Variants in ARHGAP26 observed in about 807,000 individuals in gnomAD.
The protein encoded by ARHGAP26 is rho GTPase-activating protein 26.
ARHGAP26 carries 38 observed loss-of-function variants against 104.8 expected under a neutral mutation model. That is an observed-to-expected ratio of 0.36 (90% CI 0.28 to 0.48). The LOEUF (loss-of-function observed/expected upper bound fraction) is 0.48, where lower values mean the gene tolerates loss of function less well. ARHGAP26 is among the 20% of genes least tolerant of loss of function. The pLI, the probability that ARHGAP26 is intolerant of heterozygous loss-of-function variation, is 0.99. For synonymous variants in ARHGAP26, 341 were observed against 340.0 expected (o/e 1.00, Z -0.03); for missense variants, 704 against 947.9 (o/e 0.74, Z 3.38).
chr5:142,950,776 T>G (rs1768204373), intron 11 of ARHGAP26, among the ~76,000 whole-genome samples: 1 of 152,114 alleles, frequency 6.6e-6, no homozygotes, highest in Admixed American at 6.5e-5. Flanking sequence ...CAAAGATGAC[T>G]ATATGAGTTA....
At chr5:143,187,159 A>T (rs901674618) in intron 20 of ARHGAP26, among the ~76,000 whole-genome samples, 1 of 152,200 alleles carries the variant, frequency 6.6e-6, no homozygotes, top group Non-Finnish European at 1.5e-5. Context: ...AGGCAAAGAA[A>T]ATGAGGGACA....
At chr5:143,008,693 C>G (rs1437509112) in intron 11 of ARHGAP26, among the ~76,000 whole-genome samples, 1 of 152,170 alleles carries the variant, frequency 6.6e-6, no homozygotes, top group African/African-American at 2.4e-5. Flanking sequence ...TGGCTAAGCT[C>G]TAATGCAGCT....
intron 19 of ARHGAP26, among the ~76,000 whole-genome samples, chr5:143,139,848 C>T (rs1430920326): frequency 1.3e-5 from 2 of 152,166 alleles, no homozygotes; most frequent in Non-Finnish European, 2.9e-5. Context: ...AAGGTACTGA[C>T]ACACACGCTG....
chr5:142,877,295 G>A (rs26706), intron 3 of ARHGAP26, among the ~76,000 whole-genome samples: 1 of 151,994 alleles, frequency 6.6e-6, no homozygotes, highest in Non-Finnish European at 1.5e-5. Flanking sequence ...TCTGGGAAGC[G>A]TTTCCTGACT....
At chr5:142,881,417 G>A (rs560546457) in intron 4 of ARHGAP26, among the ~76,000 whole-genome samples, 9 of 152,264 alleles carry the variant, frequency 5.9e-5, no homozygotes, top group African/African-American at 1.9e-4. Context: ...ACTGTCCCCC[G>A]GGGCGGCGGC....
At chr5:142,853,908 T>C (rs1751943652) in intron 1 of ARHGAP26, among the ~76,000 whole-genome samples, 1 of 152,180 alleles carries the variant, frequency 6.6e-6, no homozygotes, top group Non-Finnish European at 1.5e-5. Context: ...AAATGTTTAA[T>C]AATTACTTGT....
intron 11 of ARHGAP26, among the ~76,000 whole-genome samples, chr5:142,982,636 G>T (rs1340941458): frequency 2.0e-5 from 3 of 152,182 alleles, no homozygotes; most frequent in Non-Finnish European, 4.4e-5. Flanking sequence ...TATTTTATCT[G>T]CCCAGTGACT....
At chr5:143,128,438 C>G (rs993706879) in intron 18 of ARHGAP26, among the ~76,000 whole-genome samples, 10 of 152,174 alleles carry the variant, frequency 6.6e-5, no homozygotes, top group African/African-American at 2.4e-4. Flanking sequence ...ATTTTTAATA[C>G]AACTACCCAA....
At chr5:142,902,870 G>T (rs1172884882) in intron 7 of ARHGAP26, among the ~76,000 whole-genome samples, 1 of 152,224 alleles carries the variant, frequency 6.6e-6, no homozygotes, top group African/African-American at 2.4e-5. Flanking sequence ...TACTGGAGGT[G>T]GGGGCAATGC....
At chr5:142,942,325 A>G (rs1766478218) in intron 11 of ARHGAP26, among the ~76,000 whole-genome samples, 2 of 152,244 alleles carry the variant, frequency 1.3e-5, no homozygotes, top group South Asian at 4.1e-4. Context: ...CATGTATAAA[A>G]TAAAATACAT....
rs115138151 is a variant in ARHGAP26 at position 143,198,618 on chromosome 5, T to C, written c.1989-8580T>C. 6.2e-3 allele frequency among the ~76,000 whole-genome samples: 942 copies of C among 152,332 alleles called. 5 individuals carry two copies. The highest frequency in any genetic ancestry group is 0.01 in the Non-Finnish European group (681 of 68,014). On this transcript the variant is annotated intron_variant, in intron 20 of 22. Transcript: ENST00000645722. ...GTCTTTGTTTCCAATCTGGAATTTT[T>C]CCCTCTACCTCATATTTCTGTATTA...
chr5:143,171,074 G>C (rs372455399), intron 20 of ARHGAP26, among the ~76,000 whole-genome samples: 1 of 152,170 alleles, frequency 6.6e-6, no homozygotes, highest in Admixed American at 6.6e-5. Context: ...TATAATAAAG[G>C]ACAGAGAATA....
rs1054140445 is a variant in ARHGAP26 at position 143,226,401 on chromosome 5, A to C, written c.*3955A>C. The stretch of plus-strand genomic sequence containing the variant: ...GAGGCTGAGGCAGGAGAATGGCATG[A>C]ACCCAGGAGGCAGAGATTGCAGTGA... On this transcript the variant is annotated 3_prime_UTR_variant, in exon 23 of 23. Transcript: ENST00000645722. The C allele has an allele frequency of 5.1e-5, 9 of 175,936 alleles. No homozygotes were observed. The East Asian group carries it at 8.8e-4, about 17-fold the overall frequency. 10.9% of individuals were successfully genotyped at this position (175,936 alleles called of 1,614,324 possible).
At chr5:143,128,724 G>A (rs1165824220) in intron 18 of ARHGAP26, among the ~76,000 whole-genome samples, 3 of 152,150 alleles carry the variant, frequency 2.0e-5, no homozygotes, top group African/African-American at 7.2e-5. Context: ...TTCCTAATGC[G>A]TCAAACAAAC....
intron 11 of ARHGAP26, among the ~76,000 whole-genome samples, chr5:142,941,773 A>C (rs1364967663): frequency 6.6e-6 from 1 of 152,224 alleles, no homozygotes; most frequent in Non-Finnish European, 1.5e-5. Flanking sequence ...AAAGAGAAAG[A>C]GGTCAGTTAA....
At chr5:142,830,049 G>T (rs914065420) in intron 1 of ARHGAP26, among the ~76,000 whole-genome samples, 1 of 152,134 alleles carries the variant, frequency 6.6e-6, no homozygotes, top group Non-Finnish European at 1.5e-5. Context: ...TTGGCCCAGG[G>T]TGAACCTTTT....
chr5:143,072,631 A>G (rs940545789), intron 17 of ARHGAP26, among the ~76,000 whole-genome samples: 2 of 152,244 alleles, frequency 1.3e-5, no homozygotes, highest in African/African-American at 4.8e-5. Flanking sequence ...AGAACATTAT[A>G]CTAAGTGAAG....
intron 1 of ARHGAP26, among the ~76,000 whole-genome samples, chr5:142,824,989 C>T (rs1049670230): frequency 6.6e-6 from 1 of 152,180 alleles, no homozygotes; most frequent in African/African-American, 2.4e-5. Flanking sequence ...AATGGATCAG[C>T]AACTCTTTTC....
At chr5:143,190,795 T>C (rs765379634) in intron 20 of ARHGAP26, among the ~76,000 whole-genome samples, 2 of 152,214 alleles carry the variant, frequency 1.3e-5, no homozygotes, top group Non-Finnish European at 2.9e-5. Context: ...CCAGAATCTA[T>C]GCAGAAATCT....
Sources: gnomAD v4.1 joint callset for allele counts (sites outside exome capture counted in the v4.1 genomes callset) on GRCh38, gnomAD v4.1.1 for gene constraint, MANE v1.5 for transcripts, NCBI Gene and HGNC (gene_info 2026-07-23, HGNC 2026-07-21) for gene names.